C16orf78: variants seen among roughly 807,000 people sequenced by gnomAD.
The protein encoded by C16orf78 is uncharacterized protein C16orf78.
A neutral mutation model predicts 27.3 loss-of-function variants in C16orf78; 19 were observed. The observed-to-expected ratio is 0.70, with a 90% CI of 0.49 to 1.02. C16orf78 has a LOEUF of 1.02. Among genes scored for constraint, C16orf78 ranks in the 50% least tolerant of loss-of-function variants. C16orf78 has a pLI of 0.00. For missense variants in C16orf78, 339 were observed against 337.0 expected (o/e 1.01, Z -0.05); for synonymous variants, 130 against 116.1 (o/e 1.12, Z -0.77).
chr16:49,392,903 G>T (rs1319677050), intron 3 of C16orf78, among the ~76,000 whole-genome samples: 3 of 152,158 alleles, frequency 2.0e-5, no homozygotes, highest in African/African-American at 7.2e-5. Context: ...GGAAGTAATT[G>T]AATCATGGAG....
intron 1 of C16orf78, among the ~76,000 whole-genome samples, chr16:49,377,296 C>T (rs956209086): frequency 2.0e-5 from 3 of 152,034 alleles, no homozygotes; most frequent in South Asian, 2.1e-4. Context: ...AGGGAGAGGC[C>T]GGGGTGAGCA....
chr16:49,386,458 T>G lies in C16orf78; in HGVS notation c.394+7865T>G, dbSNP rs112632944. On this transcript the variant is annotated intron_variant, in intron 3 of 4. Coordinates refer to ENST00000299191, the MANE Select transcript of C16orf78 (RefSeq NM_144602.4). ...ATGTGGGACCACAAGTCATTTTTTT[T>G]TAAGTGCAGTGGTACATGTGCAGAT... Among the ~76,000 whole-genome samples, 478 of 152,354 alleles carry G rather than the reference T, an allele frequency of 3.1e-3. 1 individual carries two copies. Among genetic ancestry groups the G allele is most frequent in the Middle Eastern group, 0.01 (3 of 294 alleles).
At chr16:49,381,809 G>A (rs1965290316) in intron 3 of C16orf78, among the ~76,000 whole-genome samples, 1 of 152,192 alleles carries the variant, frequency 6.6e-6, no homozygotes, top group East Asian at 1.9e-4. Context: ...CTTTTACACT[G>A]CTGGTGGGAC....
chr16:49,381,429 CTGTT>C (rs1358804874), intron 3 of C16orf78, among the ~76,000 whole-genome samples: 2 of 152,142 alleles, frequency 1.3e-5, no homozygotes, highest in East Asian at 1.9e-4. Flanking sequence ...ATTTGGCTCT[CTGTT>C]TGTCTGTGCA....
intron 3 of C16orf78, among the ~76,000 whole-genome samples, chr16:49,389,155 G>T (rs1221713776): frequency 6.6e-6 from 1 of 152,062 alleles, no homozygotes; most frequent in Non-Finnish European, 1.5e-5. Flanking sequence ...TGGTTCGGTG[G>T]CTCACGCCTG....
At chr16:49,385,620 A>C (rs1014688277) in intron 3 of C16orf78, among the ~76,000 whole-genome samples, 2 of 149,812 alleles carry the variant, frequency 1.3e-5, no homozygotes, top group Non-Finnish European at 3.0e-5. Flanking sequence ...ATGCCATTGC[A>C]CTCCAGCCTG....
rs535012980 is a variant in C16orf78 at position 49,398,487 on chromosome 16, T to C, written c.651-644T>C. ...TGATTTTTAAATTGTGTGGATATTA[T>C]TAAAAACAAATGCTCACCGCTATGC... On this transcript the variant is annotated intron_variant, in intron 4 of 4. Transcript: ENST00000299191. Among the ~76,000 whole-genome samples the C allele has an allele frequency of 3.3e-5, 5 of 152,364 alleles. No individual in the cohort carries two copies. In the South Asian group the frequency reaches 1.0e-3, roughly 32 times the overall value.
At chr16:49,377,873 A>T (rs200800775) in intron 2 of C16orf78, 23 bp downstream of exon 2, 2 of 1,554,126 alleles carry the variant, frequency 1.3e-6, no homozygotes, top group Non-Finnish European at 1.7e-6. Context: ...CTCTTCCCCC[A>T]CTCACCCCCA....
In C16orf78 at chr16:49,396,623, GAACCTAAGATGGA is replaced by G; in HGVS notation, c.600_612del (p.Lys201Ter). 1 of 1,613,430 alleles carries G rather than the reference GAACCTAAGATGGA, an allele frequency of 6.2e-7. No individual in the cohort carries two copies. Among genetic ancestry groups the G allele is most frequent in the Non-Finnish European group, 8.5e-7 (1 of 1,180,016 alleles). On this transcript the variant is annotated frameshift_variant, in exon 4 of 5. Transcript: ENST00000299191. LOFTEE classifies it high-confidence loss of function. Reference sequence around the variant, plus strand: ...AAAGAGCCTCATGGAGAAAAGCACCGAACCTAAGATGGAAACCATGAGGATGTTGAAGCCAGAG... The same window carrying G: ...AAAGAGCCTCATGGAGAAAAGCACCGAACCATGAGGATGTTGAAGCCAGAG...
chr16:49,386,968 G>A (rs188177257), intron 3 of C16orf78, among the ~76,000 whole-genome samples: 88 of 152,304 alleles, frequency 5.8e-4, no homozygotes, highest in African/African-American at 2.1e-3. Flanking sequence ...ACCTAGTCAT[G>A]GGATTGCTGG....
chr16:49,379,323 A>G (rs1045690913), intron 3 of C16orf78, among the ~76,000 whole-genome samples: 25 of 152,120 alleles, frequency 1.6e-4, no homozygotes, highest in African/African-American at 5.8e-4. Flanking sequence ...GTGGTGTTGG[A>G]AAAACAGATA....
At chr16:49,399,061 T>A in intron 4 of C16orf78, 70 bp from the exon 5 acceptor site, 1 of 1,527,936 alleles carries the variant, frequency 6.5e-7, no homozygotes, top group Non-Finnish European at 9.0e-7. Flanking sequence ...AAATCTAAGC[T>A]CTTTTCAATA....
At chr16:49,384,833 A>C (rs1965328469) in intron 3 of C16orf78, among the ~76,000 whole-genome samples, 1 of 152,210 alleles carries the variant, frequency 6.6e-6, no homozygotes, top group East Asian at 1.9e-4. Context: ...AAACCCCCAC[A>C]AGACTATGAG....
intron 3 of C16orf78, among the ~76,000 whole-genome samples, chr16:49,389,900 T>C (rs1448986321): frequency 6.6e-6 from 1 of 152,234 alleles, no homozygotes; most frequent in African/African-American, 2.4e-5. Context: ...ATAATTTTCC[T>C]TCTACCTGAA....
intron 1 of C16orf78, among the ~76,000 whole-genome samples, chr16:49,375,513 T>C (rs1434151970): frequency 6.6e-6 from 1 of 152,124 alleles, no homozygotes; most frequent in Non-Finnish European, 1.5e-5. Flanking sequence ...TTTAAATGAC[T>C]GGATCTCACG....
intron 3 of C16orf78, among the ~76,000 whole-genome samples, chr16:49,383,547 CCTT>C (rs1280338849): frequency 1.3e-5 from 2 of 152,330 alleles, no homozygotes; most frequent in African/African-American, 4.8e-5. Context: ...GCTTCTGCCT[CCTT>C]AATATCTTTA....
chr16:49,398,591 A>C (rs1965504431), intron 4 of C16orf78, among the ~76,000 whole-genome samples: 1 of 152,210 alleles, frequency 6.6e-6, no homozygotes, highest in Non-Finnish European at 1.5e-5. Context: ...TGTGCGCATG[A>C]CAGTGACAAA....
intron 4 of C16orf78, among the ~76,000 whole-genome samples, chr16:49,397,432 TAATAACTCCATCAC>T (rs1965487765): frequency 1.3e-5 from 2 of 152,362 alleles, no homozygotes; most frequent in African/African-American, 2.4e-5. Flanking sequence ...TCTGGCAATC[TAATAACTCCATCAC>T]AAAGTCCTGC....
Position 49,396,391 on chromosome 16 carries a change from C to A in C16orf78, c.395-32C>A, listed in dbSNP as rs548418759. ...CCCCACCTCTCACGTCTCCCACGGT[C>A]TAACTCTTTGATGGCATCTGTCCAA... On this transcript the variant is annotated intron_variant, in intron 3 of 4. Transcript: ENST00000299191. 1.9e-6 allele frequency: 3 copies of A among 1,611,388 alleles called. No individual in the cohort carries two copies. In the South Asian group the frequency reaches 3.3e-5, roughly 18 times the overall value.
Sources: gnomAD v4.1 joint callset for allele counts (sites outside exome capture counted in the v4.1 genomes callset) on GRCh38, gnomAD v4.1.1 for gene constraint, MANE v1.5 for transcripts, NCBI Gene and HGNC (gene_info 2026-07-23, HGNC 2026-07-21) for gene names.